Variants in VPS37A observed in about 807,000 individuals in gnomAD.
VPS37A encodes the protein VPS37A subunit of ESCRT-I.
In VPS37A, 30 loss-of-function variants were observed where a neutral mutation model predicts 49.8. That is an observed-to-expected ratio of 0.60 (90% CI 0.45 to 0.82). The LOEUF is 0.82. Among genes scored for constraint, VPS37A ranks in the 40% least tolerant of loss-of-function variants. VPS37A has a pLI of 0.00. For synonymous variants in VPS37A, 195 were observed against 160.6 expected, an observed-to-expected ratio of 1.21 and a Z score of -1.62; for missense variants, 593 against 464.4, an observed-to-expected ratio of 1.28 and a Z score of -2.55.
At chr8:17,315,655 A>G in the VPS37A span, among the ~76,000 whole-genome samples, 7 of 152,184 alleles carry the variant, frequency 4.6e-5, no homozygotes, top group Non-Finnish European at 7.3e-5. Context: ...TAAAAACATG[A>G]TAATGTAACA....
the VPS37A span, among the ~76,000 whole-genome samples, chr8:17,319,469 C>G: frequency 3.3e-5 from 5 of 152,162 alleles, no homozygotes; most frequent in Non-Finnish European, 7.3e-5. Context: ...TGATCAACAG[C>G]AGAAAGACAT....
intron 1 of VPS37A, chr8:17,248,505 A>G: frequency 2.7e-6 from 1 of 372,128 alleles, no homozygotes; most frequent in Non-Finnish European, 5.4e-6. Context: ...CGAACTCCTG[A>G]CCTTAGATTA....
At chr8:17,285,578 T>TAC (rs930979672) in intron 10 of VPS37A, among the ~76,000 whole-genome samples, 1 of 152,074 alleles carries the variant, frequency 6.6e-6, no homozygotes, top group Non-Finnish European at 1.5e-5. Context: ...CTGTGAGACA[T>TAC]ACACACACAC....
intron 1 of VPS37A, 141 bp downstream of exon 1, chr8:17,247,510 G>A: frequency 8.6e-7 from 1 of 1,165,146 alleles, no homozygotes; most frequent in Non-Finnish European, 1.2e-6. Context: ...TCACACGCTT[G>A]CTCTGCCACT....
At chr8:17,294,271 T>G (rs1238639424) in intron 11 of VPS37A, among the ~76,000 whole-genome samples, 1 of 152,122 alleles carries the variant, frequency 6.6e-6, no homozygotes, top group Non-Finnish European at 1.5e-5. Context: ...AACAGACTAC[T>G]CAAACCTCAT....
chr8:17,275,878 G>A (rs538992664), intron 5 of VPS37A, among the ~76,000 whole-genome samples: 1 of 152,200 alleles, frequency 6.6e-6, no homozygotes, highest in South Asian at 2.1e-4. Context: ...TTGTGTTAAT[G>A]AGTGTTGTGA....
the VPS37A span, among the ~76,000 whole-genome samples, chr8:17,320,174 T>A: frequency 6.6e-6 from 1 of 152,112 alleles, no homozygotes; most frequent in Non-Finnish European, 1.5e-5. Flanking sequence ...TCTTTTTACT[T>A]TTAATGTGGC....
At chr8:17,320,906 A>G in the VPS37A span, among the ~76,000 whole-genome samples, 2 of 152,174 alleles carry the variant, frequency 1.3e-5, no homozygotes, top group African/African-American at 2.4e-5. Flanking sequence ...AAAGTGTTCA[A>G]CTTAATCCTA....
chr8:17,330,996 C>T, the VPS37A span, among the ~76,000 whole-genome samples: 7 of 152,276 alleles, frequency 4.6e-5, no homozygotes, highest in South Asian at 8.3e-4. Flanking sequence ...ATAAGAGAAA[C>T]GTTCTTAAGT....
At chr8:17,288,306 T>G (rs1815807040) in intron 11 of VPS37A, among the ~76,000 whole-genome samples, 1 of 152,200 alleles carries the variant, frequency 6.6e-6, no homozygotes, top group Non-Finnish European at 1.5e-5. Flanking sequence ...TGTGCCATGA[T>G]GGTTTGCTGC....
the VPS37A span, among the ~76,000 whole-genome samples, chr8:17,317,219 G>C: frequency 1.3e-5 from 2 of 152,188 alleles, no homozygotes; most frequent in Non-Finnish European, 2.9e-5. Context: ...TCACATGTAA[G>C]AGCAAGACAC....
intron 9 of VPS37A, among the ~76,000 whole-genome samples, chr8:17,281,904 CTATT>C (rs1469622928): frequency 6.6e-6 from 1 of 151,980 alleles, no homozygotes; most frequent in Non-Finnish European, 1.5e-5. Context: ...TTTTCTAAGA[CTATT>C]TAGAGCAGCA....
At chr8:17,309,886 T>G in the VPS37A span, among the ~76,000 whole-genome samples, 2 of 152,256 alleles carry the variant, frequency 1.3e-5, no homozygotes, top group African/African-American at 4.8e-5. Flanking sequence ...TTGGGGTATA[T>G]TCAAAGCTTC....
the VPS37A span, among the ~76,000 whole-genome samples, chr8:17,322,801 G>A: frequency 6.6e-6 from 1 of 151,394 alleles, no homozygotes; most frequent in Non-Finnish European, 1.5e-5. Context: ...CTTCAGCCTG[G>A]ACAACACAGG....
At chr8:17,304,568 C>A (rs201061683), downstream of VPS37A, 985 of 1,576,480 alleles carry the variant, frequency 6.2e-4, 1 homozygote, top group African/African-American at 3.8e-3. Flanking sequence ...GGTGCTTACA[C>A]ACAGTAGATA....
At chr8:17,328,207 T>C in the VPS37A span, among the ~76,000 whole-genome samples, 1 of 148,388 alleles carries the variant, frequency 6.7e-6, no homozygotes, top group Non-Finnish European at 1.5e-5. Flanking sequence ...TATCAGTGCC[T>C]GCTGACCTTC....
At chr8:17,332,890 C>T in the VPS37A span, among the ~76,000 whole-genome samples, 1 of 152,094 alleles carries the variant, frequency 6.6e-6, no homozygotes, top group Non-Finnish European at 1.5e-5. Context: ...ACCAATTTGG[C>T]AGCAATTACA....
intron 9 of VPS37A, among the ~76,000 whole-genome samples, 189 bp from the exon 10 acceptor site, chr8:17,284,284 T>C (rs1815378877): frequency 6.6e-6 from 1 of 152,182 alleles, no homozygotes; most frequent in African/African-American, 2.4e-5. Flanking sequence ...TTCTCTTGAG[T>C]TAGGTGTCTA....
chr8:17,323,150 G>A, the VPS37A span, among the ~76,000 whole-genome samples: 3 of 151,556 alleles, frequency 2.0e-5, no homozygotes, highest in African/African-American at 7.3e-5. Context: ...GTTTCACCAT[G>A]TCGGACAGCA....
Sources: allele counts gnomAD v4.1 joint callset (sites outside exome capture counted in the v4.1 genomes callset), GRCh38; gene constraint gnomAD v4.1.1; transcripts MANE v1.5; gene names NCBI Gene and HGNC (gene_info 2026-07-23, HGNC 2026-07-21).